The following CANX variants were observed in gnomAD, a reference collection of about 807,000 sequenced individuals.
CANX encodes the protein calnexin.
CANX carries 14 observed loss-of-function variants against 75.7 expected under a neutral mutation model. That is an observed-to-expected ratio of 0.19 (90% CI 0.12 to 0.29). CANX has a LOEUF of 0.29. Among genes scored for constraint, CANX ranks in the 10% least tolerant of loss-of-function variants. The probability of loss-of-function intolerance (pLI) is 1.00; values close to 1 mark genes in which losing one functional copy is unlikely to be tolerated. For missense variants in CANX, 567 were observed against 713.2 expected, an observed-to-expected ratio of 0.79 and a Z score of 2.34; for synonymous variants, 227 against 236.9, an observed-to-expected ratio of 0.96 and a Z score of 0.38.
chr5:179,717,403 A>T (rs1328568158), intron 8 of CANX, among the ~76,000 whole-genome samples: 2 of 152,108 alleles, frequency 1.3e-5, no homozygotes, highest in African/African-American at 4.8e-5. Flanking sequence ...GCAACCACTA[A>T]CCTGCTTTCT....
chr5:179,707,979 G>C (rs562277930), intron 4 of CANX, among the ~76,000 whole-genome samples: 2 of 152,036 alleles, frequency 1.3e-5, no homozygotes, highest in Admixed American at 6.6e-5. Flanking sequence ...TGGGATTACA[G>C]GTGCCCATCA....
In CANX at chr5:179,709,902, G is replaced by C. The variant is rs768208195; in HGVS notation, c.558G>C (p.Thr186=). The change falls in exon 7 of 15, where the codon ACG becomes ACC. Residue 186 remains threonine, a synonymous_variant. Coordinates refer to ENST00000247461, the MANE Select transcript of CANX (RefSeq NM_001746.4). The part of the protein sequence containing the change: ...LDQFHDKTPY[T]IMFGPDKCGE... The stretch of plus-strand genomic sequence containing the variant: ...AGTTCCATGACAAGACCCCTTATAC[G>C]ATTATGTTTGGTCCAGATAAATGTG... 1.2e-5 allele frequency: 20 copies of C among 1,604,764 alleles called. No homozygotes were observed. Among genetic ancestry groups the C allele is most frequent in the African/African-American group, 2.7e-5 (2 of 74,198 alleles).
rs10053812 is a variant in CANX at position 179,682,944 on chromosome 5, C to T, written c.-4+4167C>T. Among the ~76,000 whole-genome samples, 634 of 152,198 alleles carry T rather than the reference C, an allele frequency of 4.2e-3. 4 individuals are homozygous for T. Among genetic ancestry groups the T allele is most frequent in the African/African-American group, 0.015 (607 of 41,534 alleles). On this transcript the variant is annotated intron_variant, in intron 1 of 14. Transcript: ENST00000681674. ...GGGCATGTTTGAAGGACACGTGCCACGTGTGCGGACAGTGGAAGGAAATGA... is the reference window on the plus strand; with the variant it reads ...GGGCATGTTTGAAGGACACGTGCCATGTGTGCGGACAGTGGAAGGAAATGA...
intron 1 of CANX, among the ~76,000 whole-genome samples, chr5:179,687,616 CAA>C (rs1414084850): frequency 1.3e-5 from 2 of 152,140 alleles, no homozygotes; most frequent in Non-Finnish European, 2.9e-5. Flanking sequence ...TGAAGACACT[CAA>C]GAGCTTAAAT....
chr5:179,700,393 A>C (rs1776657944), intron 1 of CANX: 1 of 152,162 alleles, frequency 6.6e-6, no homozygotes, highest in South Asian at 2.1e-4. Flanking sequence ...GTCTTTTCCC[A>C]ACATTGTTTG....
chr5:179,680,722 A>G (rs890028951), intron 1 of CANX: 15 of 577,948 alleles, frequency 2.6e-5, no homozygotes, highest in African/African-American at 2.2e-4. Flanking sequence ...TTATGTGAAA[A>G]AGGGAGCTAT....
intron 7 of CANX, among the ~76,000 whole-genome samples, chr5:179,710,851 G>A (rs1448416435): frequency 6.6e-6 from 1 of 151,346 alleles, no homozygotes; most frequent in Non-Finnish European, 1.5e-5. Context: ...TCAGGCATTC[G>A]AGACTAGCAT....
At chr5:179,682,113 G>T (rs956910475) in intron 1 of CANX, among the ~76,000 whole-genome samples, 1 of 151,868 alleles carries the variant, frequency 6.6e-6, no homozygotes, top group Admixed American at 6.6e-5. Flanking sequence ...TTAGCCGGGT[G>T]TGGTGGCGGG....
intron 1 of CANX, among the ~76,000 whole-genome samples, chr5:179,686,470 C>T (rs1315431737): frequency 6.6e-6 from 1 of 151,180 alleles, no homozygotes; most frequent in Non-Finnish European, 1.5e-5. Context: ...TTAATGATTG[C>T]AGTTTTTCTT....
chr5:179,708,947 TAC>T, intron 5 of CANX, 29 bp from the exon 6 acceptor site: 1 of 1,110,176 alleles, frequency 9.0e-7, no homozygotes, highest in Non-Finnish European at 1.4e-6. Flanking sequence ...CAAAATGCCA[TAC>T]AGTTTTCTGC....
chr5:179,728,534 G>T, intron 14 of CANX, 57 bp from the exon 15 acceptor site: 1 of 1,055,460 alleles, frequency 9.5e-7, no homozygotes, highest in South Asian at 1.3e-5. Context: ...AAAATATGGT[G>T]AACTTTTATT....
chr5:179,709,785 A>T (rs952520930), intron 6 of CANX, 88 bp from the exon 7 acceptor site: 1 of 842,274 alleles, frequency 1.2e-6, no homozygotes, highest in East Asian at 2.7e-5. Context: ...TTGGAATTTT[A>T]TAAGAGGAAT....
chr5:179,679,007 G>A (rs1226431073), intron 1 of CANX: 7 of 1,535,716 alleles, frequency 4.6e-6, no homozygotes, highest in East Asian at 2.4e-5. Flanking sequence ...GTAGAAGGTG[G>A]ACAGGGAGGG....
chr5:179,711,109 A>C (rs1375342131), intron 7 of CANX, among the ~76,000 whole-genome samples: 3 of 152,048 alleles, frequency 2.0e-5, no homozygotes, highest in Non-Finnish European at 2.9e-5. Flanking sequence ...TTGGGAAATG[A>C]CCTTAATTTG....
intron 10 of CANX, among the ~76,000 whole-genome samples, chr5:179,721,886 CTTGG>C (rs1778332235): frequency 1.3e-5 from 2 of 151,848 alleles, no homozygotes; most frequent in African/African-American, 4.8e-5. Context: ...TCAGCAGGAT[CTTGG>C]CATAGTATAT....
intron 1 of CANX, 104 bp from the exon 2 acceptor site, chr5:179,705,575 T>C: frequency 1.2e-6 from 1 of 818,832 alleles, no homozygotes; most frequent in Non-Finnish European, 2.0e-6. Context: ...TCTTTTTAGC[T>C]CTGCGATTTA....
At chr5:179,695,339 G>A (rs188178914), upstream of CANX, among the ~76,000 whole-genome samples, 1 of 150,706 alleles carries the variant, frequency 6.6e-6, no homozygotes, top group African/African-American at 2.4e-5. Flanking sequence ...GATTACAGGC[G>A]TGAGTTTGAG....
chr5:179,698,524 C>A, upstream of CANX: 3 of 1,289,440 alleles, frequency 2.3e-6, no homozygotes, highest in Non-Finnish European at 3.0e-6. Context: ...CGGACTCCTA[C>A]CCCTTTTGCC....
chr5:179,704,873 G>T (rs1248661947), intron 1 of CANX, among the ~76,000 whole-genome samples: 1 of 152,054 alleles, frequency 6.6e-6, no homozygotes, highest in Non-Finnish European at 1.5e-5. Flanking sequence ...TTAAAAAGTA[G>T]CTTGTTCTTA....
Sources: gnomAD v4.1 joint callset for allele counts (sites outside exome capture counted in the v4.1 genomes callset) on GRCh38, gnomAD v4.1.1 for gene constraint, MANE v1.5 for transcripts, NCBI Gene and HGNC (gene_info 2026-07-23, HGNC 2026-07-21) for gene names.